Variants in ARHGEF10 observed in about 807,000 individuals in gnomAD.
ARHGEF10 encodes Rho guanine nucleotide exchange factor (GEF) 10.
Under a neutral mutation model 147.4 loss-of-function variants are expected in ARHGEF10, and 140 were observed. That is an observed-to-expected ratio of 0.95 (90% CI 0.83 to 1.09). The LOEUF is 1.09. ARHGEF10 is among the 50% of genes least tolerant of loss of function. The probability of loss-of-function intolerance (pLI) is 0.00; values close to 1 mark genes in which losing one functional copy is unlikely to be tolerated. For synonymous variants in ARHGEF10, 902 were observed against 695.8 expected, an observed-to-expected ratio of 1.30 and a Z score of -4.67; for missense variants, 2,222 against 1,752.7, an observed-to-expected ratio of 1.27 and a Z score of -4.78.
chr8:1,843,581 C>A (rs149332662), intron 2 of ARHGEF10, 145 bp downstream of exon 2: 4 of 726,650 alleles, frequency 5.5e-6, no homozygotes, highest in African/African-American at 3.5e-5. Context: ...AAGGTTCTGA[C>A]GTGAGCCTGG....
chr8:1,864,349 A>G (rs1158921114), intron 4 of ARHGEF10, 24 bp from the exon 5 acceptor site: 3 of 1,613,352 alleles, frequency 1.9e-6, no homozygotes, highest in South Asian at 2.2e-5. Context: ...GTAAAGCAGC[A>G]TCACATATTT....
intron 1 of ARHGEF10, among the ~76,000 whole-genome samples, chr8:1,830,624 C>T (rs1803038568): frequency 6.6e-6 from 1 of 152,244 alleles, no homozygotes; most frequent in East Asian, 1.9e-4. Flanking sequence ...TAAGTGCTCT[C>T]ACGCCCCAAG....
Position 1,903,457 on chromosome 8 carries a change from G to A in ARHGEF10, c.1821+6G>A. Reference sequence around the variant, plus strand: ...ACGAAAGATACCTGAACAAGGTTGAGAGAGGTTTTCTTCAACTCTATTCCA... The same window carrying A: ...ACGAAAGATACCTGAACAAGGTTGAAAGAGGTTTTCTTCAACTCTATTCCA... On this transcript the variant is annotated splice_donor_region_variant and intron_variant, in intron 16 of 28. Transcript: ENST00000349830. 1 of 1,614,042 alleles carries A rather than the reference G, an allele frequency of 6.2e-7. No individual in the cohort carries two copies. The highest frequency in any genetic ancestry group is 8.5e-7 in the Non-Finnish European group (1 of 1,180,034).
chr8:1,827,327 T>C (rs1802829731), intron 1 of ARHGEF10, among the ~76,000 whole-genome samples: 2 of 152,218 alleles, frequency 1.3e-5, no homozygotes, highest in African/African-American at 4.8e-5. Context: ...TCTTTTTTTT[T>C]GAAATGGAGT....
intron 28 of ARHGEF10, among the ~76,000 whole-genome samples, 176 bp from the exon 29 acceptor site, chr8:1,956,573 A>C (rs1815581974): frequency 2.0e-5 from 3 of 152,230 alleles, no homozygotes; most frequent in Admixed American, 2.0e-4. Flanking sequence ...AAAAACCCAG[A>C]GGAATATAAT....
intron 1 of ARHGEF10, among the ~76,000 whole-genome samples, chr8:1,825,609 C>T (rs994170994): frequency 1.3e-5 from 2 of 151,804 alleles, no homozygotes; most frequent in African/African-American, 4.8e-5. Flanking sequence ...CCCACCTGTC[C>T]CAGCCCCACT....
chr8:1,871,189 A>G (rs570916202), intron 7 of ARHGEF10: 4 of 151,872 alleles, frequency 2.6e-5, no homozygotes, highest in African/African-American at 4.8e-5. Context: ...CTTGAAGGTC[A>G]TATACAGATC....
chr8:1,903,996 C>A (rs1810688498), intron 16 of ARHGEF10: 5 of 161,310 alleles, frequency 3.1e-5, no homozygotes, highest in Admixed American at 2.9e-4. Context: ...ACGTGGGAGG[C>A]TGAGGCCAGA....
Position 1,842,078 on chromosome 8 carries a change from T to C in ARHGEF10, c.-47-1275T>C, listed in dbSNP as rs865839208. On this transcript the variant is annotated intron_variant, in intron 1 of 28. Coordinates refer to ENST00000349830, the MANE Select transcript of ARHGEF10 (RefSeq NM_014629.4). Reference sequence around the variant, plus strand: ...CGGGAACTGGGGCCGCGGCGGGAACTGGGGCCGCGAGGCGCCGAACCACGA... The same window carrying C: ...CGGGAACTGGGGCCGCGGCGGGAACCGGGGCCGCGAGGCGCCGAACCACGA... Among the ~76,000 whole-genome samples the C allele has an allele frequency of 7.8e-4, 110 of 141,828 alleles. 2 individuals carry two copies. The highest frequency in any genetic ancestry group is 3.4e-3 in the South Asian group (15 of 4,418). The allele number at this position is 141,828 out of a possible 152,430, so 93.0% of individuals were successfully genotyped here.
chr8:1,935,599 G>A (rs2129241774), intron 26 of ARHGEF10, among the ~76,000 whole-genome samples: 1 of 152,208 alleles, frequency 6.6e-6, no homozygotes, highest in East Asian at 1.9e-4. Context: ...CCCCTCCGGA[G>A]GGCACTCACC....
At chr8:1,917,537 G>A (rs1811849894) in intron 18 of ARHGEF10, among the ~76,000 whole-genome samples, 1 of 152,050 alleles carries the variant, frequency 6.6e-6, no homozygotes, top group South Asian at 2.1e-4. Context: ...CACAAATTCT[G>A]TTTCACTGAC....
chr8:1,861,977 T>C (rs1017438157), intron 4 of ARHGEF10, among the ~76,000 whole-genome samples: 4 of 152,268 alleles, frequency 2.6e-5, no homozygotes, highest in African/African-American at 7.2e-5. Flanking sequence ...AATTTGCTTA[T>C]TTTTGTTCTG....
chr8:1,882,016 C>T (rs972853295), intron 9 of ARHGEF10, among the ~76,000 whole-genome samples: 5 of 152,272 alleles, frequency 3.3e-5, no homozygotes, highest in South Asian at 2.1e-4. Context: ...CAGCTCTGGC[C>T]GAGGAAGTGG....
At chr8:1,912,335 G>A (rs1305776408) in intron 18 of ARHGEF10, among the ~76,000 whole-genome samples, 1 of 151,722 alleles carries the variant, frequency 6.6e-6, no homozygotes, top group East Asian at 1.9e-4. Context: ...GCTGTGTGGT[G>A]TTAGACTCAG....
At chr8:1,928,731 G>A in intron 24 of ARHGEF10, 81 bp downstream of exon 24, 1 of 1,504,346 alleles carries the variant, frequency 6.6e-7, no homozygotes, top group South Asian at 1.2e-5. Flanking sequence ...CCTGGAAAGA[G>A]TCCTTGACTT....
intron 2 of ARHGEF10, among the ~76,000 whole-genome samples, chr8:1,848,862 A>G (rs1251762385): frequency 1.3e-5 from 2 of 152,194 alleles, no homozygotes; most frequent in Non-Finnish European, 2.9e-5. Flanking sequence ...AAACATTAGC[A>G]GTTTTTTTCC....
At chr8:1,912,062 G>A (rs532809057) in intron 18 of ARHGEF10, among the ~76,000 whole-genome samples, 1 of 152,342 alleles carries the variant, frequency 6.6e-6, no homozygotes, top group Admixed American at 6.5e-5. Context: ...TATTGACAGA[G>A]TGTAGGCAGC....
At chr8:1,950,086 A>G (rs956585476) in intron 27 of ARHGEF10, among the ~76,000 whole-genome samples, 2 of 152,174 alleles carry the variant, frequency 1.3e-5, no homozygotes, top group East Asian at 1.9e-4. Context: ...GCTCAAGTGC[A>G]GTCAGTCCCA....
chr8:1,926,280 A>G, intron 22 of ARHGEF10, 97 bp from the exon 23 acceptor site: 1 of 976,544 alleles, frequency 1.0e-6, no homozygotes, highest in East Asian at 2.4e-5. Flanking sequence ...TTCTGTGTTT[A>G]TACATTGGAA....
Sources: gnomAD v4.1 joint callset for allele counts (sites outside exome capture counted in the v4.1 genomes callset) on GRCh38, gnomAD v4.1.1 for gene constraint, MANE v1.5 for transcripts, NCBI Gene and HGNC (gene_info 2026-07-23, HGNC 2026-07-21) for gene names.